Variants in EYS observed in about 807,000 individuals in gnomAD.
The protein encoded by EYS is EGF-like photoreceptor maintenance factor.
In EYS, 250 loss-of-function variants were observed where a neutral mutation model predicts 282.1. The ratio of observed to expected loss-of-function variants is 0.89; its 90% CI spans 0.80 to 0.98. The LOEUF is 0.98. Among genes scored for constraint, EYS ranks in the 50% least tolerant of loss-of-function variants. The probability of loss-of-function intolerance (pLI) is 0.00; values close to 1 mark genes in which losing one functional copy is unlikely to be tolerated. For synonymous variants in EYS, 1,355 were observed against 1,282.9 expected (o/e 1.06, Z -1.20); for missense variants, 4,016 against 3,709.0 (o/e 1.08, Z -2.15).
At chr6:65,389,141 A>T (rs951770562) in intron 7 of EYS, among the ~76,000 whole-genome samples, 7 of 152,150 alleles carry the variant, frequency 4.6e-5, no homozygotes, top group Non-Finnish European at 8.8e-5. Flanking sequence ...CAGTCACACA[A>T]CAATTTAAAA....
intron 12 of EYS, among the ~76,000 whole-genome samples, chr6:65,195,769 G>C (rs73441344): frequency 6.6e-6 from 1 of 151,988 alleles, no homozygotes; most frequent in African/African-American, 2.4e-5. Flanking sequence ...TCATGCCCAA[G>C]CTGGCATAGA....
chr6:64,497,658 G>A (rs548080880), intron 26 of EYS, among the ~76,000 whole-genome samples: 63 of 152,212 alleles, frequency 4.1e-4, no homozygotes, highest in African/African-American at 1.5e-3. Context: ...ATGGGTGAGT[G>A]TGACAGACTC....
intron 42 of EYS, among the ~76,000 whole-genome samples, chr6:63,725,111 T>C (rs1768560548): frequency 6.6e-6 from 1 of 152,176 alleles, no homozygotes; most frequent in Admixed American, 6.5e-5. Context: ...CTTATATTTT[T>C]AATATTTAAA....
At chr6:64,224,405 A>G (rs999514164) in intron 31 of EYS, among the ~76,000 whole-genome samples, 2 of 152,106 alleles carry the variant, frequency 1.3e-5, no homozygotes, top group South Asian at 2.1e-4. Context: ...ATTGAAAACC[A>G]TTCTAATGTT....
intron 2 of EYS, among the ~76,000 whole-genome samples, chr6:65,597,155 G>A (rs971440336): frequency 1.3e-5 from 2 of 152,040 alleles, no homozygotes; most frequent in Admixed American, 1.3e-4. Flanking sequence ...GCTCAAATAA[G>A]TTTGAGAAAA....
At chr6:64,914,757 A>G (rs141129059) in intron 15 of EYS, among the ~76,000 whole-genome samples, 1 of 152,266 alleles carries the variant, frequency 6.6e-6, no homozygotes, top group African/African-American at 2.4e-5. Flanking sequence ...TACTAGTTCA[A>G]TAAGTTTAAA....
Position 65,677,299 on chromosome 6 carries a change from T to C in EYS, c.-448+29836A>G, listed in dbSNP as rs1456124476. On this transcript the variant is annotated intron_variant, in intron 1 of 42. Transcript: ENST00000503581. ...AAATCAATTATATTCACATAGGATA[T>C]GACCTTACATGTAGAAAACACAATA... 4.0e-5 allele frequency among the ~76,000 whole-genome samples: 6 copies of C among 151,740 alleles called. No homozygotes were observed. The East Asian group carries it at 5.8e-4, about 15-fold the overall frequency.
At chr6:64,422,131 C>G (rs74963853) in intron 28 of EYS, among the ~76,000 whole-genome samples, 3 of 151,590 alleles carry the variant, frequency 2.0e-5, no homozygotes, top group African/African-American at 7.3e-5. Context: ...ATAGATAGAT[C>G]GATAGATTGA....
intron 5 of EYS, among the ~76,000 whole-genome samples, chr6:65,469,546 A>C (rs990042648): frequency 6.6e-6 from 1 of 152,118 alleles, no homozygotes; most frequent in African/African-American, 2.4e-5. Flanking sequence ...AAATGTATAC[A>C]CCTTCAAATC....
chr6:64,640,513 G>A (rs1281959048), intron 22 of EYS, among the ~76,000 whole-genome samples: 2 of 149,358 alleles, frequency 1.3e-5, no homozygotes, highest in South Asian at 2.2e-4. Context: ...GATGGGAATC[G>A]AACAATGAGA....
Position 64,902,384 on chromosome 6 carries a change from A to C in EYS, c.2738+20T>G, listed in dbSNP as rs898297832. 2 of 1,488,874 alleles carry C rather than the reference A, an allele frequency of 1.3e-6. No individual in the cohort carries two copies. The highest frequency in any genetic ancestry group is 2.8e-5 in the African/African-American group (2 of 70,898). 92.2% of individuals were successfully genotyped at this position (1,488,874 alleles called of 1,614,324 possible). On this transcript the variant is annotated intron_variant, in intron 17 of 42. Transcript: ENST00000503581. ...TAGACACATAAACATGTATCTAGAT[A>C]CTTTTTAAGTTTTCTGTACCTGAAA...
At position 63,767,884 on chromosome 6, in the gene EYS, C is replaced by T. The variant is rs763528331; in HGVS notation, c.7899-5251G>A. Among the ~76,000 whole-genome samples, 91 of 152,002 alleles carry T rather than the reference C, an allele frequency of 6.0e-4. 1 individual carries two copies. The highest frequency in any genetic ancestry group is 1.3e-4 in the Admixed American group (2 of 15,216). On this transcript the variant is annotated intron_variant, in intron 40 of 42. Transcript: ENST00000503581. ...ACTGGTGCAGAAACAGACACACAGA[C>T]CAATGGAACTGGACAGAGAACATAG...
intron 26 of EYS, among the ~76,000 whole-genome samples, chr6:64,446,369 T>A (rs1444979939): frequency 3.3e-5 from 5 of 152,050 alleles, no homozygotes; most frequent in Non-Finnish European, 7.4e-5. Context: ...ATAGAATACA[T>A]GTATTTTAGA....
intron 12 of EYS, among the ~76,000 whole-genome samples, chr6:65,105,203 G>T (rs116675393): frequency 0.022 from 3,302 of 151,686 alleles, 84 homozygotes; most frequent in African/African-American, 0.061. Context: ...TACTAAACAT[G>T]CAAAAATCAA....
At chr6:65,232,794 G>C (rs1055095687) in intron 12 of EYS, among the ~76,000 whole-genome samples, 1 of 152,062 alleles carries the variant, frequency 6.6e-6, no homozygotes, top group Non-Finnish European at 1.5e-5. Flanking sequence ...ATGAATTTGG[G>C]TGGGGAGTGA....
At chr6:64,171,801 T>G (rs1764489932) in intron 31 of EYS, among the ~76,000 whole-genome samples, 1 of 152,196 alleles carries the variant, frequency 6.6e-6, no homozygotes, top group Non-Finnish European at 1.5e-5. Context: ...GTGTTGGCTT[T>G]TTATCAGGGT....
At chr6:65,133,199 G>A (rs1357260005) in intron 12 of EYS, among the ~76,000 whole-genome samples, 1 of 151,794 alleles carries the variant, frequency 6.6e-6, no homozygotes, top group African/African-American at 2.4e-5. Flanking sequence ...CACAGAACTA[G>A]AAGAAAAGTA....
intron 8 of EYS, among the ~76,000 whole-genome samples, chr6:65,368,414 T>A (rs1438754393): frequency 6.6e-6 from 1 of 151,672 alleles, no homozygotes; most frequent in Admixed American, 6.7e-5. Flanking sequence ...GTTGAACACA[T>A]CTGAAGCTTT....
chr6:63,948,145 GC>G (rs1765453756), intron 35 of EYS, among the ~76,000 whole-genome samples: 1 of 152,122 alleles, frequency 6.6e-6, no homozygotes, highest in Non-Finnish European at 1.5e-5. Context: ...AAAAGATCTT[GC>G]TTTTATATTG....
Sources: gnomAD v4.1 joint callset for allele counts (sites outside exome capture counted in the v4.1 genomes callset) on GRCh38, gnomAD v4.1.1 for gene constraint, MANE v1.5 for transcripts, NCBI Gene and HGNC (gene_info 2026-07-23, HGNC 2026-07-21) for gene names.